The following RBKS variants were observed in gnomAD, a reference collection of about 807,000 sequenced individuals.
The protein encoded by RBKS is ribokinase.
Under a neutral mutation model 33.9 loss-of-function variants are expected in RBKS, and 33 were observed. The observed-to-expected ratio is 0.97, with a 90% CI of 0.74 to 1.30. The LOEUF (loss-of-function observed/expected upper bound fraction) is 1.30, where lower values mean the gene tolerates loss of function less well. Ranked by LOEUF, RBKS falls within the 50% of genes most tolerant of loss-of-function variation. The pLI, the probability that RBKS is intolerant of heterozygous loss-of-function variation, is 0.00. For missense variants in RBKS, 361 were observed against 392.6 expected (o/e 0.92, Z 0.68); for synonymous variants, 125 against 143.0 (o/e 0.87, Z 0.90).
At chr2:27,884,303 C>T (rs1164561856) in intron 1 of RBKS, among the ~76,000 whole-genome samples, 1 of 152,092 alleles carries the variant, frequency 6.6e-6, no homozygotes, top group Non-Finnish European at 1.5e-5. Flanking sequence ...GGCTGAAGTA[C>T]AGTGTACAAT....
At chr2:27,853,229 G>A (rs1663786713) in intron 2 of RBKS, among the ~76,000 whole-genome samples, 1 of 151,808 alleles carries the variant, frequency 6.6e-6, no homozygotes, top group Non-Finnish European at 1.5e-5. Flanking sequence ...AGCTGGGTGT[G>A]GTGCTGCATG....
intron 7 of RBKS, among the ~76,000 whole-genome samples, chr2:27,786,285 T>C (rs1677399447): frequency 6.6e-6 from 1 of 152,198 alleles, no homozygotes; most frequent in Admixed American, 6.5e-5. Context: ...TATAAGCTTA[T>C]AATATTTTTC....
rs1677296791 is a variant in RBKS at position 27,781,989 on chromosome 2, ATATAT to A, written c.796-206_796-202del. Among the ~76,000 whole-genome samples the A allele has an allele frequency of 2.0e-5, 3 of 152,298 alleles. No homozygotes were observed. The South Asian group carries it at 6.2e-4, about 32-fold the overall frequency. ...TACATTTATCACCACTAAAGAAATA[ATATAT>A]TATTAAGTGAACTTCATACTTTTTT... On this transcript the variant is annotated intron_variant, in intron 7 of 7. Coordinates refer to ENST00000302188, the MANE Select transcript of RBKS (RefSeq NM_022128.3).
At position 27,847,180 on chromosome 2, in the gene RBKS, A is replaced by G. The variant is rs527846655; in HGVS notation, c.287-76T>C. ...AATTTATTTTAACAATTTCAATACA[A>G]CACTAATCCTTGGAAAACCTTTTTA... On this transcript the variant is annotated intron_variant, in intron 3 of 7. Coordinates refer to ENST00000302188, the MANE Select transcript of RBKS (RefSeq NM_022128.3). 1.9e-4 allele frequency: 162 copies of G among 835,886 alleles called. 1 individual carries two copies. In the South Asian group the frequency reaches 2.5e-3, roughly 13 times the overall value. The allele number at this position is 835,886 out of a possible 1,614,324, so 51.8% of individuals were successfully genotyped here.
intron 7 of RBKS, among the ~76,000 whole-genome samples, chr2:27,799,426 TC>T (rs1677730846): frequency 6.6e-6 from 1 of 152,186 alleles, no homozygotes; most frequent in Admixed American, 6.5e-5. Context: ...CTCCCCGATG[TC>T]TTCATGCATT....
intron 7 of RBKS, among the ~76,000 whole-genome samples, chr2:27,812,093 A>G (rs1370825210): frequency 6.6e-6 from 1 of 152,144 alleles, no homozygotes; most frequent in East Asian, 1.9e-4. Context: ...ATTTGTAAGA[A>G]ATTTATGCAG....
At position 27,801,889 on chromosome 2, in the gene RBKS, C is replaced by T. The variant is rs1244887893; in HGVS notation, c.796-20101G>A. Reference sequence around the variant, plus strand: ...GTCTCACTCTGTCACCCATGGCTTACTGCAGCCCCAACCTCTGGAGCACAA... The same window carrying T: ...GTCTCACTCTGTCACCCATGGCTTATTGCAGCCCCAACCTCTGGAGCACAA... On this transcript the variant is annotated intron_variant, in intron 7 of 7. Transcript: ENST00000302188. Among the ~76,000 whole-genome samples, 9 of 138,570 alleles carry T rather than the reference C, an allele frequency of 6.5e-5. No individual in the cohort carries two copies. The East Asian group carries it at 1.8e-3, about 27-fold the overall frequency. 90.9% of individuals were successfully genotyped at this position (138,570 alleles called of 152,430 possible).
At chr2:27,784,354 AG>A (rs1677358268) in intron 7 of RBKS, among the ~76,000 whole-genome samples, 1 of 152,136 alleles carries the variant, frequency 6.6e-6, no homozygotes, top group South Asian at 2.1e-4. Flanking sequence ...ACAAATCTTG[AG>A]GCTATACCTC....
At chr2:27,829,416 T>C (rs1488988711) in intron 6 of RBKS, among the ~76,000 whole-genome samples, 1 of 147,090 alleles carries the variant, frequency 6.8e-6, no homozygotes, top group Admixed American at 6.9e-5. Flanking sequence ...TCACCCAGGC[T>C]GAAGTGCAGT....
At chr2:27,861,385 G>A (rs1280490025) in intron 1 of RBKS, 1 of 430,602 alleles carries the variant, frequency 2.3e-6, no homozygotes, top group Non-Finnish European at 4.9e-6. Context: ...CTGGGCAACT[G>A]TCCGACAATA....
chr2:27,796,645 A>G (rs1397900803), intron 7 of RBKS, among the ~76,000 whole-genome samples: 1 of 152,026 alleles, frequency 6.6e-6, no homozygotes, highest in Non-Finnish European at 1.5e-5. Context: ...TGAGCCTTCT[A>G]ATGGGGGTGG....
intron 5 of RBKS, among the ~76,000 whole-genome samples, chr2:27,836,475 C>T (rs972524658): frequency 2.0e-5 from 3 of 152,124 alleles, no homozygotes; most frequent in Admixed American, 1.3e-4. Context: ...CCTTATCTTT[C>T]ACCATATACA....
intron 1 of RBKS, among the ~76,000 whole-genome samples, chr2:27,888,450 G>A (rs1237888738): frequency 6.6e-6 from 1 of 152,052 alleles, no homozygotes; most frequent in Non-Finnish European, 1.5e-5. Flanking sequence ...TTACTCTTCT[G>A]CCACTTCACA....
intron 5 of RBKS, among the ~76,000 whole-genome samples, chr2:27,842,695 C>A (rs1000806651): frequency 6.6e-6 from 1 of 150,790 alleles, no homozygotes; most frequent in Non-Finnish European, 1.5e-5. Context: ...TCACTCTTGT[C>A]ACCCAGGCTA....
chr2:27,881,670 C>T (rs11886463), intron 1 of RBKS, among the ~76,000 whole-genome samples: 39,262 of 152,066 alleles, frequency 0.26, 6,074 homozygotes, highest in East Asian at 0.63. Context: ...TCAAACTATA[C>T]TTCAGGGCTA....
At chr2:27,793,761 AATTAT>A (rs1677583020) in intron 7 of RBKS, among the ~76,000 whole-genome samples, 1 of 152,254 alleles carries the variant, frequency 6.6e-6, no homozygotes, top group Admixed American at 6.5e-5. Context: ...TGAATTTGAT[AATTAT>A]ATTGTATTTT....
intron 7 of RBKS, among the ~76,000 whole-genome samples, chr2:27,825,110 C>T: frequency 6.6e-6 from 1 of 151,282 alleles, no homozygotes; most frequent in Admixed American, 6.6e-5. Flanking sequence ...GCACTCCAGC[C>T]TAGGCAACAG....
chr2:27,886,662 C>T (rs1012872241), intron 1 of RBKS, among the ~76,000 whole-genome samples: 4 of 151,876 alleles, frequency 2.6e-5, no homozygotes, highest in East Asian at 1.9e-4. Context: ...TCGCTTGAGC[C>T]CAGGGGTTCA....
chr2:27,857,369 GA>G (rs1663878390), intron 2 of RBKS, among the ~76,000 whole-genome samples: 1 of 152,184 alleles, frequency 6.6e-6, no homozygotes, highest in Admixed American at 6.5e-5. Flanking sequence ...CATGAAAAAT[GA>G]AAAGTGAAAA....
Sources: allele counts gnomAD v4.1 joint callset (sites outside exome capture counted in the v4.1 genomes callset), GRCh38; gene constraint gnomAD v4.1.1; transcripts MANE v1.5; gene names NCBI Gene and HGNC (gene_info 2026-07-23, HGNC 2026-07-21).